The following GPM6B variants were observed in gnomAD, a reference collection of about 807,000 sequenced individuals.
GPM6B encodes neuronal membrane glycoprotein M6-b.
In GPM6B, 4 loss-of-function variants were observed where a neutral mutation model predicts 27.2. That is an observed-to-expected ratio of 0.15 (90% confidence interval 0.07 to 0.34). The LOEUF (loss-of-function observed/expected upper bound fraction) is 0.34, where lower values mean the gene tolerates loss of function less well. Among genes scored for constraint, GPM6B ranks in the 10% least tolerant of loss-of-function variants. GPM6B has a pLI of 1.00. For missense variants in GPM6B, 183 were observed against 261.9 expected, an observed-to-expected ratio of 0.70 and a Z score of 2.08; for synonymous variants, 124 against 103.1, an observed-to-expected ratio of 1.20 and a Z score of -1.23.
intron 1 of GPM6B, among the ~76,000 whole-genome samples, chrX:13,832,311 T>C (rs1252848300): frequency 8.9e-6 from 1 of 112,185 alleles, no homozygotes; most frequent in Non-Finnish European, 1.9e-5. Context: ...CTGAAAACCA[T>C]TAATTTACAG....
At chrX:13,932,505 G>C (rs769351995) in intron 1 of GPM6B, among the ~76,000 whole-genome samples, 1 of 111,164 alleles carries the variant, frequency 9.0e-6, no homozygotes, top group Admixed American at 9.5e-5. Context: ...TTTATTTTTT[G>C]CTTCAAGACT....
intron 1 of GPM6B, among the ~76,000 whole-genome samples, chrX:13,828,415 C>A (rs1169410045): frequency 9.0e-6 from 1 of 111,345 alleles, no homozygotes; most frequent in Non-Finnish European, 1.9e-5. Flanking sequence ...GGGACTGTCC[C>A]CATCAGCAAG....
chrX:13,863,662 T>G (rs755638054), intron 1 of GPM6B, among the ~76,000 whole-genome samples: 2 of 112,322 alleles, frequency 1.8e-5, no homozygotes, highest in East Asian at 5.6e-4. Flanking sequence ...TAGTTCCATT[T>G]GGTCCCAGAG....
chrX:13,842,275 G>A (rs7052343), intron 1 of GPM6B, among the ~76,000 whole-genome samples: 10,552 of 111,750 alleles, frequency 0.094, 1,060 homozygotes, highest in African/African-American at 0.3. Flanking sequence ...AAATAAAAGT[G>A]TAATTTTCCT....
At chrX:13,926,434 A>G (rs1345866097) in intron 1 of GPM6B, among the ~76,000 whole-genome samples, 6 of 19,398 alleles carry the variant, frequency 3.1e-4, no homozygotes, top group Admixed American at 1.0e-3. Context: ...ACAAAAAAAA[A>G]AAACACACAA....
chrX:13,936,611 A>G (rs1455464569), intron 1 of GPM6B, among the ~76,000 whole-genome samples: 2 of 112,591 alleles, frequency 1.8e-5, no homozygotes, highest in African/African-American at 3.2e-5. Flanking sequence ...CCTTTTTTAC[A>G]TGAAGGGAAC....
At chrX:13,933,474 G>A (rs902139222) in intron 1 of GPM6B, among the ~76,000 whole-genome samples, 1 of 111,923 alleles carries the variant, frequency 8.9e-6, no homozygotes, top group African/African-American at 3.2e-5. Context: ...ATATATGTAT[G>A]TACTGCTTCT....
chrX:13,924,594 C>A (rs779201491), intron 1 of GPM6B, among the ~76,000 whole-genome samples: 4 of 112,188 alleles, frequency 3.6e-5, no homozygotes, highest in Non-Finnish European at 7.5e-5. Flanking sequence ...AGCCTCCATG[C>A]CCGGCCACAA....
chrX:13,852,482 TA>T (rs1468946008), intron 1 of GPM6B, among the ~76,000 whole-genome samples: 3 of 111,486 alleles, frequency 2.7e-5, no homozygotes, highest in Non-Finnish European at 3.8e-5. Flanking sequence ...ATTCACTGTC[TA>T]ACTTGCCCCC....
intron 1 of GPM6B, among the ~76,000 whole-genome samples, chrX:13,846,960 C>T (rs2147236670): frequency 9.1e-6 from 1 of 110,192 alleles, no homozygotes; most frequent in African/African-American, 3.3e-5. Context: ...TTTCTATCAA[C>T]CATACCAGTG....
At chrX:13,908,473 G>C (rs2050349210) in intron 1 of GPM6B, among the ~76,000 whole-genome samples, 1 of 112,130 alleles carries the variant, frequency 8.9e-6, no homozygotes, top group East Asian at 2.8e-4. Context: ...AAAGTCGAAA[G>C]ACAAGGAAAA....
At chrX:13,806,182 C>T (rs1260762266) in intron 2 of GPM6B, among the ~76,000 whole-genome samples, 1 of 111,597 alleles carries the variant, frequency 9.0e-6, no homozygotes, top group African/African-American at 3.3e-5. Context: ...CTCCCCAATC[C>T]TCCCTTCTCT....
intron 1 of GPM6B, among the ~76,000 whole-genome samples, chrX:13,868,734 T>G (rs920556881): frequency 8.9e-6 from 1 of 112,425 alleles, no homozygotes; most frequent in Admixed American, 9.4e-5. Flanking sequence ...ATAGCATTCT[T>G]GGACAACTAA....
At chrX:13,904,821 C>T (rs182500102) in intron 1 of GPM6B, among the ~76,000 whole-genome samples, 133 of 110,708 alleles carry the variant, frequency 1.2e-3, no homozygotes, top group Middle Eastern at 4.6e-3. Context: ...TACACCACAA[C>T]CATCCTCTAG....
At chrX:13,805,423 A>G (rs909538337) in intron 2 of GPM6B, among the ~76,000 whole-genome samples, 1 of 112,545 alleles carries the variant, frequency 8.9e-6, no homozygotes, top group Non-Finnish European at 1.9e-5. Flanking sequence ...CTCTCCAGAA[A>G]GATTAATGAG....
Position 13,854,338 on chromosome X carries a change from T to C in GPM6B, c.-197-68530A>G, listed in dbSNP as rs2049755812. 2.7e-5 allele frequency among the ~76,000 whole-genome samples: 3 copies of C among 112,049 alleles called. No homozygotes were observed. In the East Asian group the frequency reaches 8.4e-4, roughly 31 times the overall value. On this transcript the variant is annotated intron_variant, in intron 1 of 6. Transcript: ENST00000398361. ...AGGGCCAAAAAGGATCTGAGGATGG[T>C]GCTGGCTTCATAGATTTTCATGAAA...
chrX:13,824,962 T>C (rs752046370), intron 1 of GPM6B, among the ~76,000 whole-genome samples: 47 of 112,004 alleles, frequency 4.2e-4, no homozygotes, highest in Non-Finnish European at 8.1e-4. Context: ...CAGCCTGCAA[T>C]CCTGACGTTC....
intron 1 of GPM6B, among the ~76,000 whole-genome samples, chrX:13,936,071 A>G (rs1232465974): frequency 9.0e-6 from 1 of 111,691 alleles, no homozygotes; most frequent in African/African-American, 3.3e-5. Context: ...AAATGGGTAC[A>G]AGATTTCTTT....
rs576916548 is a variant in GPM6B, at chrX:13,781,324, C to G, written c.526-1335G>C. Among the ~76,000 whole-genome samples the G allele has an allele frequency of 3.7e-4, 41 of 111,993 alleles. 1 individual carries two copies. The South Asian group carries it at 0.015, about 41-fold the overall frequency. On this transcript the variant is annotated intron_variant, in intron 4 of 7. Transcript: ENST00000316715. ...ACTACGAAAGAAAAATCTCCAGACC[C>G]CCAAATCACTAAGCCAAAGGGAAAA...
Sources: allele counts gnomAD v4.1 joint callset (sites outside exome capture counted in the v4.1 genomes callset), GRCh38; gene constraint gnomAD v4.1.1; transcripts MANE v1.5; gene names NCBI Gene and HGNC (gene_info 2026-07-23, HGNC 2026-07-21).